Variants in SPATA2L observed in about 807,000 individuals in gnomAD.
SPATA2L encodes the protein spermatogenesis associated 2 like.
Under a neutral mutation model 8.7 loss-of-function variants are expected in SPATA2L, and 5 were observed. The observed-to-expected ratio is 0.57, with a 90% CI of 0.30 to 1.21. SPATA2L has a LOEUF of 1.21. Ranked by LOEUF, SPATA2L falls within the 50% of genes most tolerant of loss-of-function variation. The pLI is 0.07. For synonymous variants in SPATA2L, 358 were observed against 275.8 expected (o/e 1.30, Z -2.95); for missense variants, 671 against 591.0 (o/e 1.14, Z -1.40).
Position 89,696,748 on chromosome 16 carries a change from T to A in SPATA2L, c.*586A>T. 1.3e-6 allele frequency: 2 copies of A among 1,513,818 alleles called. No individual in the cohort carries two copies. The highest frequency in any genetic ancestry group is 3.4e-4 in the Middle Eastern group (2 of 5,818). 93.8% of individuals were successfully genotyped at this position (1,513,818 alleles called of 1,614,324 possible). A position where few individuals can be genotyped will look rare whatever the true frequency, so the allele number is the denominator to read the frequency against. On this transcript the variant is annotated 3_prime_UTR_variant, in exon 3 of 3. Coordinates refer to ENST00000289805, the MANE Select transcript of SPATA2L (RefSeq NM_152339.4). ...GTGCACCTCCACATCTGGTTTGAGG[T>A]CAGGTCATTTCCTGTCTGTGGGCCC...
rs1468848873 is a variant in SPATA2L, at chr16:89,700,991, A to C, written c.242T>G (p.Leu81Arg). ...LRGLARAFELLELAAVHLYLL... is the reference protein window; with the variant it reads ...LRGLARAFELRELAAVHLYLL... ...GTACAGGTGCACCGCGGCGAGCTCC[A>C]GAAGCTCGAAGGCGCGAGCCAGGCC... is the stretch of plus-strand genomic sequence containing the variant. Residue 81 changes from leucine to arginine, a missense_variant, in exon 2 of 3, where the codon CTG becomes CGG. By Grantham distance (102) the Leu-to-Arg change is moderately radical. Transcript: ENST00000289805. The C allele has an allele frequency of 6.4e-7, 1 of 1,565,244 alleles. No individual in the cohort carries two copies. The highest frequency in any genetic ancestry group is 2.4e-5 in the East Asian group (1 of 42,304).
chr16:89,698,930 G>T (rs931277313), intron 2 of SPATA2L, among the ~76,000 whole-genome samples: 1 of 151,632 alleles, frequency 6.6e-6, no homozygotes, highest in Non-Finnish European at 1.5e-5. Flanking sequence ...TGGGATTACA[G>T]GTGCGCACCA....
rs1219426319 is a variant in SPATA2L, at chr16:89,701,208, C to T, written c.25G>A (p.Asp9Asn). The T allele has an allele frequency of 2.1e-6, 3 of 1,450,720 alleles. No homozygotes were observed. The highest frequency in any genetic ancestry group is 2.7e-6 in the Non-Finnish European group (3 of 1,101,700). The allele number at this position is 1,450,720 out of a possible 1,614,324, so 89.9% of individuals were successfully genotyped here. A position where few individuals can be genotyped will look rare whatever the true frequency, so the allele number is the denominator to read the frequency against. The change falls in exon 2 of 3, where the codon GAC (aspartate) becomes AAC (asparagine). Residue 9 changes from aspartate to asparagine, a missense_variant. Physicochemically the swap from Asp to Asn is conservative, Grantham distance 23. Coordinates refer to ENST00000289805, the MANE Select transcript of SPATA2L (RefSeq NM_152339.4). ...TCGCGCTCCAGGCACTGGCGGTAGT[C>T]CTCGGACAGCGAGCTGCTGCCCATC... MGSSSLSE[D>N]YRQCLERELR...
At position 89,696,487 on chromosome 16, in the gene SPATA2L, GCTGTC is replaced by G; in HGVS notation, c.*842_*846del. ...GTCAGGGAGTTGTGGGCCCAGAGGG[GCTGTC>G]ACAGTGGATGCACCCTGCCCTCTCC... On this transcript the variant is annotated 3_prime_UTR_variant, in exon 3 of 3. Transcript: ENST00000289805. The G allele has an allele frequency of 2.8e-6, 1 of 358,506 alleles. No individual in the cohort carries two copies. The highest frequency in any genetic ancestry group is 4.5e-5 in the Admixed American group (1 of 22,062). 22.2% of individuals were successfully genotyped at this position (358,506 alleles called of 1,614,324 possible). A position where few individuals can be genotyped will look rare whatever the true frequency, so the allele number is the denominator to read the frequency against.
rs765550776 is a variant in SPATA2L at position 89,698,035 on chromosome 16, C to T, written c.574G>A (p.Val192Met). Residue 192 changes from valine to methionine, a missense_variant, in exon 3 of 3, where the codon GTG becomes ATG. Physicochemically the swap from Val to Met is conservative, Grantham distance 21 (BLOSUM62 1). Transcript: ENST00000289805. ...LLQARRASGDVASCVAWLQQR... is the reference protein window; with the variant it reads ...LLQARRASGDMASCVAWLQQR... The stretch of plus-strand genomic sequence containing the variant: ...TGCAGCCAGGCCACACAGGAGGCCA[C>T]GTCCCCGCTGGCACGCCGTGCCTGC... 8.1e-6 allele frequency: 13 copies of T among 1,598,152 alleles called. No individual in the cohort carries two copies. Among genetic ancestry groups the T allele is most frequent in the Middle Eastern group, 1.7e-4 (1 of 6,040 alleles).
At position 89,696,758 on chromosome 16, in the gene SPATA2L, T is replaced by C. The variant is rs2060729977; in HGVS notation, c.*576A>G. 1 of 1,527,140 alleles carries C rather than the reference T, an allele frequency of 6.5e-7. No individual in the cohort carries two copies. Among genetic ancestry groups the C allele is most frequent in the Admixed American group, 2.0e-5 (1 of 50,608 alleles). The allele number at this position is 1,527,140 out of a possible 1,614,324, so 94.6% of individuals were successfully genotyped here. ...ACATCTGGTTTGAGGTCAGGTCATT[T>C]CCTGTCTGTGGGCCCAGCTGCTGTG... On this transcript the variant is annotated 3_prime_UTR_variant, in exon 3 of 3. Transcript: ENST00000289805.
In SPATA2L at chr16:89,701,209, C is replaced by T; in HGVS notation, c.24G>A (p.Glu8=). MGSSSLS[E]DYRQCLEREL... is the part of the protein sequence containing the mutation. ...CGCGCTCCAGGCACTGGCGGTAGTC[C>T]TCGGACAGCGAGCTGCTGCCCATCC... is the stretch of plus-strand genomic sequence containing the variant. Residue 8 remains glutamate, a synonymous_variant, in exon 2 of 3, where the codon GAG becomes GAA. Transcript: ENST00000289805. The T allele has an allele frequency of 6.9e-7, 1 of 1,450,598 alleles. No homozygotes were observed. Among genetic ancestry groups the T allele is most frequent in the Non-Finnish European group, 9.1e-7 (1 of 1,101,612 alleles). The allele number at this position is 1,450,598 out of a possible 1,614,324, so 89.9% of individuals were successfully genotyped here. A position where few individuals can be genotyped will look rare whatever the true frequency, so the allele number is the denominator to read the frequency against.
At chr16:89,698,409 A>G in intron 2 of SPATA2L, 104 bp from the exon 3 acceptor site, 1 of 1,196,920 alleles carries the variant, frequency 8.4e-7, no homozygotes. Flanking sequence ...GCAGCTTCTG[A>G]TGCTCAGACC....
At position 89,698,271 on chromosome 16, in the gene SPATA2L, C is replaced by G. The variant is rs150968298; in HGVS notation, c.338G>C (p.Gly113Ala). ...FSGGYVHVLKGVLSDDLLLKS... is the reference protein window; with the variant it reads ...FSGGYVHVLKAVLSDDLLLKS... ...CAGGAGGAGGTCGTCTGAGAGCACACCCTTCAGCACGTGCACGTAGCCCCC... is the reference window on the plus strand; with the variant it reads ...CAGGAGGAGGTCGTCTGAGAGCACAGCCTTCAGCACGTGCACGTAGCCCCC... Residue 113 changes from glycine (G) to alanine (A), a missense_variant, in exon 3 of 3, where the codon GGT (glycine) becomes GCT (alanine). Physicochemically the swap from Gly to Ala is moderately conservative, Grantham distance 60 (BLOSUM62 0). Coordinates refer to ENST00000289805, the MANE Select transcript of SPATA2L (RefSeq NM_152339.4). The G allele has an allele frequency of 6.8e-4, 1,086 of 1,590,896 alleles. 3 individuals carry two copies. The highest frequency in any genetic ancestry group is 4.1e-3 in the Admixed American group (236 of 57,910).
chr16:89,697,162 C>G lies in SPATA2L; in HGVS notation c.*172G>C. The G allele has an allele frequency of 2.2e-6, 3 of 1,381,814 alleles. No homozygotes were observed. Among genetic ancestry groups the G allele is most frequent in the Non-Finnish European group, 2.8e-6 (3 of 1,070,390 alleles). 85.6% of individuals were successfully genotyped at this position (1,381,814 alleles called of 1,614,324 possible). On this transcript the variant is annotated 3_prime_UTR_variant, in exon 3 of 3. Transcript: ENST00000289805. ...TTAGGCCTGCTGCCCTTGGAGCCTT[C>G]CATATACAGAGAGTCCCACCTCCAG... is the stretch of plus-strand genomic sequence containing the variant.
intron 2 of SPATA2L, among the ~76,000 whole-genome samples, chr16:89,699,697 C>T (rs1036110006): frequency 3.9e-5 from 6 of 152,064 alleles, no homozygotes; most frequent in South Asian, 2.1e-4. Flanking sequence ...ATTACAGGCG[C>T]GTGCCACCAC....
intron 2 of SPATA2L, among the ~76,000 whole-genome samples, chr16:89,699,372 G>A (rs1269145254): frequency 6.6e-6 from 1 of 151,982 alleles, no homozygotes; most frequent in African/African-American, 2.4e-5. Flanking sequence ...CCTCTTAAAC[G>A]TGTTGTTCTG....
chr16:89,697,113 G>A lies in SPATA2L; in HGVS notation c.*221C>T. 1 of 1,377,820 alleles carries A rather than the reference G, an allele frequency of 7.3e-7. No individual in the cohort carries two copies. The highest frequency in any genetic ancestry group is 1.9e-5 in the South Asian group (1 of 52,384). The allele number at this position is 1,377,820 out of a possible 1,614,324, so 85.3% of individuals were successfully genotyped here. A position where few individuals can be genotyped will look rare whatever the true frequency, so the allele number is the denominator to read the frequency against. On this transcript the variant is annotated 3_prime_UTR_variant, in exon 3 of 3. Coordinates refer to ENST00000289805, the MANE Select transcript of SPATA2L (RefSeq NM_152339.4). ...GTCTGGGTTCCGAGGGTGGGGAAAT[G>A]TGGAAAGGCTCCTGCTGGCCGGCTT...
intron 2 of SPATA2L, among the ~76,000 whole-genome samples, chr16:89,700,215 G>C (rs146425044): frequency 0.015 from 2,350 of 152,326 alleles, 69 homozygotes; most frequent in African/African-American, 0.054. Flanking sequence ...CCTCAAGGGC[G>C]GGCCTGTCCG....
rs1271849648 is a variant in SPATA2L at position 89,697,992 on chromosome 16, T to C, written c.617A>G (p.Asp206Gly). The change falls in exon 3 of 3, where the codon GAT (aspartate) becomes GGT (glycine). Residue 206 changes from aspartate (D) to glycine (G), a missense_variant. Coordinates refer to ENST00000289805, the MANE Select transcript of SPATA2L (RefSeq NM_152339.4). ...VAWLQQRLAQ[D>G]EEPPPLPPRG... ...GGGGGGCAGGGGTGGCGGCTCCTCA[T>C]CCTGGGCCAGCCGCTGCTGCAGCCA... 1 of 1,601,142 alleles carries C rather than the reference T, an allele frequency of 6.2e-7. No homozygotes were observed.
rs2060772111 is a variant in SPATA2L, at chr16:89,700,945, C to T, written c.288G>A (p.Glu96=). ...TGGCGCCTACCTTGATGGTGGTGAA[C>T]TCCTTCCTCCAGGGCAGCAGGTACA... ...VHLYLLPWRK[E]FTTIKTFSGG... is the part of the protein sequence containing the mutation. The change falls in exon 2 of 3, where the codon GAG becomes GAA. Residue 96 remains glutamate, a synonymous_variant. Transcript: ENST00000289805. The T allele has an allele frequency of 3.3e-6, 5 of 1,495,552 alleles. No individual in the cohort carries two copies. The highest frequency in any genetic ancestry group is 4.5e-6 in the Non-Finnish European group (5 of 1,120,032). The allele number at this position is 1,495,552 out of a possible 1,614,324, so 92.6% of individuals were successfully genotyped here. A position where few individuals can be genotyped will look rare whatever the true frequency, so the allele number is the denominator to read the frequency against.
Position 89,697,690 on chromosome 16 carries a change from A to G in SPATA2L, c.919T>C (p.Phe307Leu). The G allele has an allele frequency of 6.2e-7, 1 of 1,612,208 alleles. No individual in the cohort carries two copies. Among genetic ancestry groups the G allele is most frequent in the Non-Finnish European group, 8.5e-7 (1 of 1,179,738 alleles). Residue 307 changes from phenylalanine to leucine, a missense_variant, in exon 3 of 3, where the codon TTC becomes CTC. Coordinates refer to ENST00000289805, the MANE Select transcript of SPATA2L (RefSeq NM_152339.4). ...EEGLEPEPSAFSFLSLRRELS... is the reference protein window; with the variant it reads ...EEGLEPEPSALSFLSLRRELS... The stretch of plus-strand genomic sequence containing the variant: ...TCACGGCGCAGAGAGAGGAAGGAGA[A>G]GGCGGAAGGTTCAGGTTCCAGCCCC...
Position 89,696,923 on chromosome 16 carries a change from A to G in SPATA2L, c.*411T>C, listed in dbSNP as rs1035935113. On this transcript the variant is annotated 3_prime_UTR_variant, in exon 3 of 3. Coordinates refer to ENST00000289805, the MANE Select transcript of SPATA2L (RefSeq NM_152339.4). ...GCCCTTGAGGACACTCGTGTGGAGA[A>G]TCCCTGGGACACGTGGAGGACCCCC... 2.0e-5 allele frequency: 31 copies of G among 1,522,916 alleles called. No individual in the cohort carries two copies. The highest frequency in any genetic ancestry group is 2.1e-5 in the Non-Finnish European group (24 of 1,137,764). The allele number at this position is 1,522,916 out of a possible 1,614,324, so 94.3% of individuals were successfully genotyped here.
chr16:89,700,269 T>A (rs370622358), intron 2 of SPATA2L, among the ~76,000 whole-genome samples: 110 of 152,302 alleles, frequency 7.2e-4, no homozygotes, highest in African/African-American at 2.5e-3. Flanking sequence ...GACCAGCAGG[T>A]GTCCCCGGGG....
Sources: gnomAD v4.1 joint callset for allele counts (sites outside exome capture counted in the v4.1 genomes callset) on GRCh38, gnomAD v4.1.1 for gene constraint, MANE v1.5 for transcripts, NCBI Gene and HGNC (gene_info 2026-07-23, HGNC 2026-07-21) for gene names.